Variants in BAG4 observed in about 807,000 individuals in gnomAD.
BAG4 encodes BAG cochaperone 4.
In BAG4, 28 loss-of-function variants were observed where a neutral mutation model predicts 52.1. The ratio of observed to expected loss-of-function variants is 0.54; its 90% confidence interval spans 0.40 to 0.74. The LOEUF (loss-of-function observed/expected upper bound fraction) is 0.74, where lower values mean the gene tolerates loss of function less well. Ranked by LOEUF, BAG4 falls within the 30% of genes least tolerant of loss-of-function variation. The pLI is 0.00. For missense variants in BAG4, 525 were observed against 572.0 expected (o/e 0.92, Z 0.84); for synonymous variants, 208 against 217.0 (o/e 0.96, Z 0.37).
At position 38,178,248 on chromosome 8, in the gene BAG4, C is replaced by A. The variant is rs1010649247; in HGVS notation, c.270+1109C>A. On this transcript the variant is annotated intron_variant, in intron 1 of 4. Coordinates refer to ENST00000287322, the MANE Select transcript of BAG4 (RefSeq NM_004874.4). ...TCGGCTCACTGCAACCTCCGCCTCC[C>A]GGTTTAAGCGATTCTCCTGCCTCAG... 5.3e-5 allele frequency among the ~76,000 whole-genome samples: 8 copies of A among 151,810 alleles called. No individual in the cohort carries two copies. The South Asian group carries it at 1.7e-3, about 32-fold the overall frequency.
chr8:38,187,790 A>G (rs1554506621), intron 1 of BAG4, among the ~76,000 whole-genome samples: 1 of 150,994 alleles, frequency 6.6e-6, no homozygotes. Flanking sequence ...TGGGAGGCCA[A>G]GGTGGGCAGA....
At chr8:38,194,847 GTTT>G in intron 2 of BAG4, among the ~76,000 whole-genome samples, 1 of 116,514 alleles carries the variant, frequency 8.6e-6, no homozygotes, top group Non-Finnish European at 1.8e-5. Flanking sequence ...GTTTTTTTTT[GTTT>G]TTTTTTTTTT....
chr8:38,198,968 G>A (rs1803614519), intron 2 of BAG4, among the ~76,000 whole-genome samples: 1 of 152,078 alleles, frequency 6.6e-6, no homozygotes, highest in African/African-American at 2.4e-5. Context: ...ACCTCCCAAA[G>A]GACCTCCTTG....
intron 2 of BAG4, among the ~76,000 whole-genome samples, chr8:38,194,574 C>T (rs1289135008): frequency 6.6e-6 from 1 of 151,414 alleles, no homozygotes. Flanking sequence ...TGCCACCATG[C>T]CCGGCTAATT....
intron 2 of BAG4, among the ~76,000 whole-genome samples, chr8:38,199,182 A>G (rs1803617202): frequency 6.6e-6 from 1 of 152,216 alleles, no homozygotes; most frequent in Non-Finnish European, 1.5e-5. Flanking sequence ...GTCACCATAA[A>G]CAGGTGAGTA....
chr8:38,186,295 G>A (rs1001184434), intron 1 of BAG4, among the ~76,000 whole-genome samples: 6 of 152,042 alleles, frequency 3.9e-5, no homozygotes, highest in Admixed American at 6.6e-5. Context: ...CTCCCTTCCC[G>A]TGGGTACTCC....
At chr8:38,184,949 C>T (rs1278388046) in intron 1 of BAG4, among the ~76,000 whole-genome samples, 1 of 151,968 alleles carries the variant, frequency 6.6e-6, no homozygotes, top group Non-Finnish European at 1.5e-5. Context: ...ATTAGCTGGG[C>T]GTTGTGGCGC....
In BAG4 at chr8:38,177,090, C is replaced by A; in HGVS notation, c.221C>A (p.Pro74His). Residue 74 changes from proline (P) to histidine (H), a missense_variant, in exon 1 of 5, where the codon CCC (proline) becomes CAC (histidine). Physicochemically the swap from Pro to His is moderately conservative, Grantham distance 77. Around this residue, in one of 2 missense-constraint regions of BAG4, gnomAD observed 287 missense variants for 266.1 expected, o/e 1.08. Coordinates refer to ENST00000287322, the MANE Select transcript of BAG4 (RefSeq NM_004874.4). ...GGCGGAGGAGGCGATGGCTACTATC[C>A]CTCGGGAGGCGCCTGGCCAGAGCCT... Reference protein sequence around the residue: ...GEGGGGDGYYPSGGAWPEPGR... With the variant: ...GEGGGGDGYYHSGGAWPEPGR... 1 of 1,612,684 alleles carries A rather than the reference C, an allele frequency of 6.2e-7. No homozygotes were observed. Among genetic ancestry groups the A allele is most frequent in the Non-Finnish European group, 8.5e-7 (1 of 1,179,850 alleles).
chr8:38,192,310 G>C (rs1454813799), intron 1 of BAG4, among the ~76,000 whole-genome samples: 1 of 152,170 alleles, frequency 6.6e-6, no homozygotes, highest in Non-Finnish European at 1.5e-5. Context: ...TATAGCATTT[G>C]GTGTGGTGGC....
chr8:38,190,619 G>C (rs57918891), intron 1 of BAG4, among the ~76,000 whole-genome samples: 1 of 147,764 alleles, frequency 6.8e-6, no homozygotes, highest in African/African-American at 2.5e-5. Flanking sequence ...TTTTTTTTTG[G>C]GTAAAGACTG....
At chr8:38,185,041 A>G (rs1210111886) in intron 1 of BAG4, among the ~76,000 whole-genome samples, 2 of 151,294 alleles carry the variant, frequency 1.3e-5, no homozygotes, top group Non-Finnish European at 2.9e-5. Context: ...TTGAGCCGAG[A>G]TCGCACCACT....
Position 38,207,663 on chromosome 8 carries a change from G to A in BAG4, c.530G>A (p.Gly177Asp). Reference sequence around the variant, plus strand: ...GTTCCAAGTACTTACCGTTCATCTGGCAACAGCCCAACTCCAGTCTCTCGT... The same window carrying A: ...GTTCCAAGTACTTACCGTTCATCTGACAACAGCCCAACTCCAGTCTCTCGT... ...TEVPSTYRSSGNSPTPVSRWI... is the reference protein window; with the variant it reads ...TEVPSTYRSSDNSPTPVSRWI... Residue 177 changes from glycine to aspartate, a missense_variant, in exon 3 of 5, where the codon GGC becomes GAC. Around this residue, in one of 2 missense-constraint regions of BAG4, gnomAD observed 287 missense variants for 266.1 expected, o/e 1.08. Coordinates refer to ENST00000287322, the MANE Select transcript of BAG4 (RefSeq NM_004874.4). The A allele has an allele frequency of 1.2e-6, 2 of 1,613,994 alleles. No individual in the cohort carries two copies. Among genetic ancestry groups the A allele is most frequent in the Non-Finnish European group, 1.7e-6 (2 of 1,179,990 alleles).
chr8:38,193,051 C>A (rs1344375929), intron 2 of BAG4, among the ~76,000 whole-genome samples: 1 of 152,020 alleles, frequency 6.6e-6, no homozygotes, highest in Non-Finnish European at 1.5e-5. Flanking sequence ...TTTTTGAAAA[C>A]TTTACTGATT....
At chr8:38,179,775 A>G (rs1057372148) in intron 1 of BAG4, among the ~76,000 whole-genome samples, 5 of 152,118 alleles carry the variant, frequency 3.3e-5, no homozygotes, top group African/African-American at 1.2e-4. Context: ...TCAAAAAAAA[A>G]AATAAAGAAA....
Position 38,211,876 on chromosome 8 carries a change from T to C in BAG4, c.*1383T>C, listed in dbSNP as rs1384143663. The C allele has an allele frequency of 1.3e-5, 2 of 152,072 alleles. No homozygotes were observed. Among genetic ancestry groups the C allele is most frequent in the Non-Finnish European group, 2.9e-5 (2 of 67,976 alleles). The allele number at this position is 152,072 out of a possible 1,614,324, so 9.4% of individuals were successfully genotyped here. The stretch of plus-strand genomic sequence containing the variant: ...AATAACTTTTTATGTCTGAGGTGAG[T>C]ACACAATATTGGTTCTTGGAAAAAT... On this transcript the variant is annotated 3_prime_UTR_variant, in exon 5 of 5. Coordinates refer to ENST00000287322, the MANE Select transcript of BAG4 (RefSeq NM_004874.4).
intron 1 of BAG4, among the ~76,000 whole-genome samples, chr8:38,182,244 A>T (rs1331216650): frequency 6.6e-6 from 1 of 152,262 alleles, no homozygotes; most frequent in Non-Finnish European, 1.5e-5. Context: ...CCATATAGCT[A>T]TACAAATAAC....
rs191456934 is a variant in BAG4, at chr8:38,203,624, G to C, written c.379-3888G>C. On this transcript the variant is annotated intron_variant, in intron 2 of 4. Coordinates refer to ENST00000287322, the MANE Select transcript of BAG4 (RefSeq NM_004874.4). ...TAAGTCCTGTTACAGACATATGTAGGACAAGCAAGATGAGTAGGGCCTACA... is the reference window on the plus strand; with the variant it reads ...TAAGTCCTGTTACAGACATATGTAGCACAAGCAAGATGAGTAGGGCCTACA... Among the ~76,000 whole-genome samples, 245 of 152,106 alleles carry C rather than the reference G, an allele frequency of 1.6e-3. 2 individuals are homozygous for C. Among genetic ancestry groups the C allele is most frequent in the African/African-American group, 5.5e-3 (229 of 41,500 alleles).
At chr8:38,179,658 C>T (rs1234126897) in intron 1 of BAG4, among the ~76,000 whole-genome samples, 1 of 151,656 alleles carries the variant, frequency 6.6e-6, no homozygotes, top group East Asian at 2.0e-4. Flanking sequence ...CCCAGCTATT[C>T]GAGAGGCTGA....
intron 2 of BAG4, among the ~76,000 whole-genome samples, chr8:38,198,451 T>G (rs1241944025): frequency 6.6e-6 from 1 of 150,400 alleles, no homozygotes; most frequent in African/African-American, 2.4e-5. Context: ...TCTATTAAGC[T>G]TTTTCCTGTT....
Sources: allele counts gnomAD v4.1 joint callset (sites outside exome capture counted in the v4.1 genomes callset), GRCh38; gene constraint gnomAD v4.1.1; regional missense constraint gnomAD v4.1.1; transcripts MANE v1.5; gene names NCBI Gene and HGNC (gene_info 2026-07-23, HGNC 2026-07-21).